SBNO1: variants seen among roughly 807,000 people sequenced by gnomAD.
The protein encoded by SBNO1 is protein strawberry notch homolog 1.
SBNO1 carries 23 observed loss-of-function variants against 173.6 expected under a neutral mutation model. The ratio of observed to expected loss-of-function variants is 0.13; its 90% CI spans 0.10 to 0.19. The LOEUF (loss-of-function observed/expected upper bound fraction) is 0.19, where lower values mean the gene tolerates loss of function less well. SBNO1 is among the 10% of genes least tolerant of loss of function. The pLI is 1.00. For missense variants in SBNO1, 1,238 were observed against 1,671.2 expected, an observed-to-expected ratio of 0.74 and a Z score of 4.52; for synonymous variants, 632 against 571.5, an observed-to-expected ratio of 1.11 and a Z score of -1.51.
intron 30 of SBNO1, among the ~76,000 whole-genome samples, chr12:123,301,949 T>C (rs921913210): frequency 6.6e-6 from 1 of 152,026 alleles, no homozygotes; most frequent in Non-Finnish European, 1.5e-5. Context: ...TGGTTTGTTT[T>C]TTTTTTTAAG....
rs1273768127 is a variant in SBNO1, at chr12:123,309,506, G to A, written c.3520C>T (p.His1174Tyr). Residue 1174 changes from histidine to tyrosine, a missense_variant, in exon 27 of 32, where the codon CAC becomes TAC. His to Tyr is a moderately conservative substitution (Grantham distance 83). This residue lies in a region of SBNO1 where 351 missense variants were observed against 420.3 expected (regional missense o/e 0.84). Transcript: ENST00000602398. ...FLTPGYSTSG[H>Y]VELYTISVER... ...AAACTTACTGTGTATAATTCTACGT[G>A]GCCAGAGGTTGAATATCCTGGAGTC... The A allele has an allele frequency of 3.1e-6, 5 of 1,612,910 alleles. No homozygotes were observed. The highest frequency in any genetic ancestry group is 4.2e-6 in the Non-Finnish European group (5 of 1,178,954).
At chr12:123,296,869 T>C (rs2048615807) in intron 31 of SBNO1, among the ~76,000 whole-genome samples, 1 of 151,552 alleles carries the variant, frequency 6.6e-6, no homozygotes, top group Admixed American at 6.6e-5. Context: ...CTATTTGTTT[T>C]TTTTTTAAAT....
chr12:123,360,014 T>A (rs1874943659), intron 1 of SBNO1, among the ~76,000 whole-genome samples: 2 of 152,130 alleles, frequency 1.3e-5, no homozygotes, highest in Non-Finnish European at 1.5e-5. Context: ...GCCAAGCCGG[T>A]TGGTCACCTG....
Position 123,332,111 on chromosome 12 carries a change from A to T in SBNO1, c.910-736T>A, listed in dbSNP as rs542479359. ...TGATGCACCCGCCTTGGCCTCCCAA[A>T]GTGCTGAGATTACAGGCACGAGTCA... On this transcript the variant is annotated intron_variant, in intron 7 of 31. Coordinates refer to ENST00000602398, the MANE Select transcript of SBNO1 (RefSeq NM_001167856.3). Among the ~76,000 whole-genome samples the T allele has an allele frequency of 1.2e-4, 19 of 152,186 alleles. No individual in the cohort carries two copies. In the East Asian group the frequency reaches 3.3e-3, roughly 26 times the overall value.
chr12:123,321,487 T>C (rs754901337), intron 17 of SBNO1, 48 bp downstream of exon 17: 8 of 1,323,372 alleles, frequency 6.0e-6, no homozygotes, highest in Non-Finnish European at 8.7e-6. Flanking sequence ...TTTTCAAATA[T>C]ACTGAAATAT....
chr12:123,312,698 G>A (rs1408966499), intron 24 of SBNO1, among the ~76,000 whole-genome samples: 3 of 147,950 alleles, frequency 2.0e-5, no homozygotes, highest in African/African-American at 7.5e-5. Flanking sequence ...GTGACAGCAC[G>A]AGACCCCGTC....
At chr12:123,363,787 G>A in intron 1 of SBNO1, 4 of 884,872 alleles carry the variant, frequency 4.5e-6, no homozygotes, top group Non-Finnish European at 4.1e-6. Flanking sequence ...TCTGTGCGAG[G>A]ATCAAGTTAG....
intron 9 of SBNO1, among the ~76,000 whole-genome samples, chr12:123,329,424 C>G (rs1262407028): frequency 1.4e-5 from 2 of 145,702 alleles, no homozygotes; most frequent in African/African-American, 5.1e-5. Flanking sequence ...AAACTTTTAT[C>G]ATCACAAAAA....
At chr12:123,309,898 TA>T (rs763093822) in intron 25 of SBNO1, 42 bp from the exon 26 acceptor site, 40 of 1,482,536 alleles carry the variant, frequency 2.7e-5, no homozygotes, top group Middle Eastern at 1.8e-4. Flanking sequence ...AAATGATAAT[TA>T]AAAATTTTTT....
chr12:123,295,201 G>C lies in SBNO1; in HGVS notation c.*707C>G, dbSNP rs2048575188. ...CCAGAAACCCAGGGCAGGGAGAAGGGGAAGGAGGGGTCTGCAGGGTTTGAA... is the reference window on the plus strand; with the variant it reads ...CCAGAAACCCAGGGCAGGGAGAAGGCGAAGGAGGGGTCTGCAGGGTTTGAA... On this transcript the variant is annotated 3_prime_UTR_variant, in exon 32 of 32. Coordinates refer to ENST00000602398, the MANE Select transcript of SBNO1 (RefSeq NM_001167856.3). 6.6e-6 allele frequency: 1 copy of C among 152,144 alleles called. No individual in the cohort carries two copies. Among genetic ancestry groups the C allele is most frequent in the Non-Finnish European group, 1.5e-5 (1 of 68,030 alleles). 9.4% of individuals were successfully genotyped at this position (152,144 alleles called of 1,614,324 possible). A position where few individuals can be genotyped will look rare whatever the true frequency, so the allele number is the denominator to read the frequency against.
At chr12:123,338,447 C>A (rs1026384557) in intron 5 of SBNO1, among the ~76,000 whole-genome samples, 2 of 151,850 alleles carry the variant, frequency 1.3e-5, no homozygotes, top group Non-Finnish European at 2.9e-5. Flanking sequence ...CTTTGGGAGG[C>A]CGAGGCGGGT....
At position 123,291,680 on chromosome 12, in the gene SBNO1, A is replaced by T. The variant is rs1365075358; in HGVS notation, c.*4228T>A. ...ATGAAAAGTTTTCCATACTTTTCTT[A>T]AAAAAAAAAAAAAAAAAAAGTCATA... is the stretch of plus-strand genomic sequence containing the variant. On this transcript the variant is annotated 3_prime_UTR_variant, in exon 32 of 32. Coordinates refer to ENST00000602398, the MANE Select transcript of SBNO1 (RefSeq NM_001167856.3). 6.6e-4 allele frequency: 14 copies of T among 21,168 alleles called. No individual in the cohort carries two copies. The highest frequency in any genetic ancestry group is 6.2e-3 in the East Asian group (14 of 2,254). The allele number at this position is 21,168 out of a possible 1,614,324, so 1.3% of individuals were successfully genotyped here.
intron 28 of SBNO1, among the ~76,000 whole-genome samples, chr12:123,305,134 T>G (rs1162434940): frequency 2.0e-5 from 3 of 152,174 alleles, no homozygotes; most frequent in Admixed American, 2.0e-4. Flanking sequence ...TCAGAGAAAA[T>G]TCTTTAAGCT....
intron 19 of SBNO1, 53 bp from the exon 20 acceptor site, chr12:123,320,084 G>T: frequency 6.3e-7 from 1 of 1,597,276 alleles, no homozygotes. Context: ...GCGGTGGATG[G>T]ACTCAGTGCC....
chr12:123,341,057 C>T lies in SBNO1; in HGVS notation c.582G>A (p.Glu194=), dbSNP rs1872505313. ...TDVSNGTVKK[E]SSNKEGARMW... ...TTCTAGCTCCTTCTTTATTAGAAGACTCTTTCTTTACTGTACCATTGCTTA... is the reference window on the plus strand; with the variant it reads ...TTCTAGCTCCTTCTTTATTAGAAGATTCTTTCTTTACTGTACCATTGCTTA... Residue 194 remains glutamate (E), a synonymous_variant, in exon 5 of 32, where the codon GAG becomes GAA. Transcript: ENST00000602398. 6.2e-7 allele frequency: 1 copy of T among 1,601,300 alleles called. No homozygotes were observed. The highest frequency in any genetic ancestry group is 2.2e-5 in the East Asian group (1 of 44,786).
At chr12:123,308,157 G>A (rs1182858671) in intron 28 of SBNO1, among the ~76,000 whole-genome samples, 1 of 152,166 alleles carries the variant, frequency 6.6e-6, no homozygotes, top group Non-Finnish European at 1.5e-5. Context: ...ATCTGAGTAA[G>A]TAAATATGAA....
chr12:123,364,661 G>A (rs1290806636), intron 1 of SBNO1, 40 bp downstream of exon 1: 17 of 982,126 alleles, frequency 1.7e-5, no homozygotes, highest in Middle Eastern at 1.1e-3. Flanking sequence ...GTCCGGGAGG[G>A]GGAGTGTGGA....
At chr12:123,311,219 C>CA (rs1459091009) in intron 24 of SBNO1, 90 bp from the exon 25 acceptor site, 20 of 923,658 alleles carry the variant, frequency 2.2e-5, no homozygotes, top group Non-Finnish European at 3.5e-5. Flanking sequence ...TAAGTAGTAT[C>CA]ATGCCATTTT....
intron 15 of SBNO1, among the ~76,000 whole-genome samples, chr12:123,324,558 G>A (rs892785176): frequency 5.3e-5 from 8 of 152,130 alleles, no homozygotes; most frequent in African/African-American, 1.9e-4. Context: ...CTGAGCTCTC[G>A]TGATCCACCA....
Sources: gnomAD v4.1 joint callset for allele counts (sites outside exome capture counted in the v4.1 genomes callset) on GRCh38, gnomAD v4.1.1 for gene constraint, gnomAD v4.1.1 regional missense constraint, MANE v1.5 for transcripts, NCBI Gene and HGNC (gene_info 2026-07-23, HGNC 2026-07-21) for gene names.